Variants in MAST4 observed in about 807,000 individuals in gnomAD.
MAST4 encodes the protein microtubule-associated serine/threonine-protein kinase 4.
A neutral mutation model predicts 162.7 loss-of-function variants in MAST4; 89 were observed. The observed-to-expected ratio is 0.55, with a 90% CI of 0.46 to 0.65. MAST4 has a LOEUF of 0.65. Among genes scored for constraint, MAST4 ranks in the 30% least tolerant of loss-of-function variants. The pLI is 0.00. For missense variants in MAST4, 3,153 were observed against 3,374.0 expected (o/e 0.93, Z 1.62); for synonymous variants, 1,479 against 1,361.1 (o/e 1.09, Z -1.91).
intron 1 of MAST4, among the ~76,000 whole-genome samples, chr5:66,742,013 C>T (rs1752502498): frequency 6.6e-6 from 1 of 152,216 alleles, no homozygotes; most frequent in Non-Finnish European, 1.5e-5. Flanking sequence ...GGATGAGCAT[C>T]TGTACTCCCA....
At chr5:66,663,676 A>G (rs2149463713) in intron 1 of MAST4, among the ~76,000 whole-genome samples, 1 of 152,340 alleles carries the variant, frequency 6.6e-6, no homozygotes, top group East Asian at 1.9e-4. Context: ...TAGCTGGAAT[A>G]GAGTGGGCAA....
chr5:66,849,015 T>G (rs1459878542), intron 3 of MAST4, among the ~76,000 whole-genome samples: 1 of 152,216 alleles, frequency 6.6e-6, no homozygotes, highest in African/African-American at 2.4e-5. Context: ...TCAGAGCCTC[T>G]GCAAAACAGG....
At chr5:67,031,543 C>T (rs1755326706) in intron 4 of MAST4, among the ~76,000 whole-genome samples, 1 of 152,108 alleles carries the variant, frequency 6.6e-6, no homozygotes, top group South Asian at 2.1e-4. Flanking sequence ...CAAAATTTTT[C>T]CCTATCACAC....
chr5:66,986,346 A>G (rs1426610357), intron 4 of MAST4: 2 of 789,888 alleles, frequency 2.5e-6, no homozygotes, highest in Non-Finnish European at 4.0e-6. Context: ...GTATGGATCC[A>G]TATGTTGTTA....
At chr5:66,623,832 G>A (rs552546430) in intron 1 of MAST4, among the ~76,000 whole-genome samples, 2 of 152,164 alleles carry the variant, frequency 1.3e-5, no homozygotes, top group Non-Finnish European at 2.9e-5. Context: ...TTATCTGTTT[G>A]CAGGTGTCAT....
intron 3 of MAST4, among the ~76,000 whole-genome samples, chr5:66,832,430 C>T (rs1265521714): frequency 6.6e-6 from 1 of 152,082 alleles, no homozygotes; most frequent in East Asian, 1.9e-4. Context: ...ACCCCCCACC[C>T]CTGTCCCCTG....
intron 14 of MAST4, 138 bp from the exon 15 acceptor site, chr5:67,130,072 G>T: frequency 2.7e-6 from 2 of 728,264 alleles, no homozygotes; most frequent in Middle Eastern, 3.1e-4. Context: ...GATGTTTGTA[G>T]CTGCCAGCTT....
chr5:67,136,865 G>T (rs1769718987), intron 19 of MAST4, among the ~76,000 whole-genome samples: 2 of 152,298 alleles, frequency 1.3e-5, no homozygotes, highest in South Asian at 2.1e-4. Flanking sequence ...AAGAGGGTTG[G>T]TTGTTTGTCT....
chr5:67,100,558 A>G lies in MAST4; in HGVS notation c.1036A>G (p.Asn346Asp). Residue 346 changes from asparagine to aspartate, a missense_variant, in exon 8 of 29, where the codon AAC becomes GAC. Coordinates refer to ENST00000403625, the MANE Select transcript of MAST4 (RefSeq NM_001164664.2). ...ESIATENRCR[N>D]TPMRPRSRSL... ...CATCGCCACTGAGAACAGATGCAGGAACACGCCGATGCGCCCCCGTTCCCG... is the reference window on the plus strand; with the variant it reads ...CATCGCCACTGAGAACAGATGCAGGGACACGCCGATGCGCCCCCGTTCCCG... 7.4e-6 allele frequency: 12 copies of G among 1,613,886 alleles called. No individual in the cohort carries two copies. Among genetic ancestry groups the G allele is most frequent in the Non-Finnish European group, 9.3e-6 (11 of 1,179,846 alleles).
intron 2 of MAST4, among the ~76,000 whole-genome samples, chr5:66,764,201 G>C (rs1753979834): frequency 6.6e-6 from 1 of 152,178 alleles, no homozygotes; most frequent in Admixed American, 6.5e-5. Flanking sequence ...ACTGGGCTTG[G>C]TTCCAGGTTG....
chr5:67,112,633 A>G (rs555917656), intron 11 of MAST4, among the ~76,000 whole-genome samples: 15 of 152,348 alleles, frequency 9.8e-5, no homozygotes, highest in Admixed American at 3.3e-4. Context: ...AAAACTATAC[A>G]GATGATGAGA....
intron 3 of MAST4, among the ~76,000 whole-genome samples, chr5:66,861,931 C>T (rs1580690798): frequency 1.3e-5 from 2 of 152,264 alleles, no homozygotes; most frequent in South Asian, 4.1e-4. Flanking sequence ...GTGGGCTCTT[C>T]ATCTGTTTCA....
intron 3 of MAST4, among the ~76,000 whole-genome samples, chr5:66,855,970 T>C (rs542020958): frequency 2.0e-5 from 3 of 152,236 alleles, no homozygotes; most frequent in Admixed American, 6.5e-5. Context: ...GAGACCAGTC[T>C]GGGCAACATA....
intron 4 of MAST4, among the ~76,000 whole-genome samples, chr5:67,040,620 A>G (rs947037160): frequency 2.6e-5 from 4 of 152,220 alleles, no homozygotes; most frequent in African/African-American, 9.6e-5. Flanking sequence ...CCATAGCTTG[A>G]ACTATCTCTT....
At chr5:67,011,690 G>C (rs867491206) in intron 4 of MAST4, among the ~76,000 whole-genome samples, 1 of 152,150 alleles carries the variant, frequency 6.6e-6, no homozygotes, top group Non-Finnish European at 1.5e-5. Context: ...GGCAGCATTC[G>C]CAGATTCTGG....
intron 24 of MAST4, among the ~76,000 whole-genome samples, 194 bp from the exon 25 acceptor site, chr5:67,152,443 G>C (rs2151079900): frequency 6.6e-6 from 1 of 152,294 alleles, no homozygotes; most frequent in Middle Eastern, 3.4e-3. Context: ...CTTGAAGTTT[G>C]ACAGTTTTGG....
At chr5:67,110,240 C>A (rs766341319) in intron 11 of MAST4, 41 bp downstream of exon 11, 1 of 1,422,162 alleles carries the variant, frequency 7.0e-7, no homozygotes, top group Non-Finnish European at 9.9e-7. Context: ...TTATTGTTAA[C>A]TGGGAAAGCA....
rs540750187 is a variant in MAST4, at chr5:66,750,521, A to G, written c.364-9188A>G. On this transcript the variant is annotated intron_variant, in intron 1 of 28. Coordinates refer to ENST00000403625, the MANE Select transcript of MAST4 (RefSeq NM_001164664.2). ...GTCAGGGAGTTCCCTTTCTGAGTCA[A>G]AGAAAGGGGTGACGGACGCACCTTG... is the stretch of plus-strand genomic sequence containing the variant. Among the ~76,000 whole-genome samples the G allele has an allele frequency of 2.0e-5, 3 of 152,326 alleles. No homozygotes were observed. The South Asian group carries it at 6.2e-4, about 32-fold the overall frequency.
intron 4 of MAST4, among the ~76,000 whole-genome samples, chr5:66,910,505 C>T (rs185191617): frequency 1.7e-4 from 26 of 152,250 alleles, no homozygotes; most frequent in African/African-American, 6.0e-4. Flanking sequence ...TCTCTTGTGT[C>T]CTGGTGTTTC....
Sources: allele counts gnomAD v4.1 joint callset (sites outside exome capture counted in the v4.1 genomes callset), GRCh38; gene constraint gnomAD v4.1.1; transcripts MANE v1.5; gene names NCBI Gene and HGNC (gene_info 2026-07-23, HGNC 2026-07-21).